ZBTB4: variants seen among roughly 807,000 people sequenced by gnomAD.
ZBTB4 encodes the protein zinc finger and BTB domain containing 4, also known as zinc finger and BTB domain-containing protein 4.
Under a neutral mutation model 59.8 loss-of-function variants are expected in ZBTB4, and 14 were observed. That is an observed-to-expected ratio of 0.23 (90% CI 0.15 to 0.37). The LOEUF (loss-of-function observed/expected upper bound fraction) is 0.37, where lower values mean the gene tolerates loss of function less well. Among genes scored for constraint, ZBTB4 ranks in the 10% least tolerant of loss-of-function variants. The pLI, the probability that ZBTB4 is intolerant of heterozygous loss-of-function variation, is 1.00. For synonymous variants in ZBTB4, 587 were observed against 575.2 expected (o/e 1.02, Z -0.29); for missense variants, 1,198 against 1,380.8 (o/e 0.87, Z 2.10).
upstream of ZBTB4, among the ~76,000 whole-genome samples, chr17:7,481,729 G>A (rs1273390803): frequency 6.6e-6 from 1 of 152,118 alleles, no homozygotes; most frequent in African/African-American, 2.4e-5. Context: ...AGCATCCTGG[G>A]TCCTTTTTCT....
intron 1 of ZBTB4, among the ~76,000 whole-genome samples, chr17:7,471,412 T>C (rs117584090): frequency 2.0e-5 from 3 of 152,300 alleles, no homozygotes; most frequent in East Asian, 3.9e-4. Flanking sequence ...GAAATACTTA[T>C]GATGTGCAAA....
rs2070029708 is a variant in ZBTB4, at chr17:7,462,133, A to G, written c.2849T>C (p.Met950Thr). ...NLAALPVALN[M>T]VLPDEKGAGA... ...CGCACCCTTCTCATCAGGTAGGACC[A>G]TGTTGAGAGCAACCGGGAGAGCGGC... The change falls in exon 4 of 4, where the codon ATG becomes ACG. Residue 950 changes from methionine (M) to threonine (T), a missense_variant. Met to Thr is a moderately conservative substitution (Grantham distance 81). Coordinates refer to ENST00000380599, the MANE Select transcript of ZBTB4 (RefSeq NM_001128833.2). This position sits in a 1 kb window ranked among gnomAD's most constrained non-coding sequence, Gnocchi z 7.5. 1 of 1,613,802 alleles carries G rather than the reference A, an allele frequency of 6.2e-7. No homozygotes were observed. The highest frequency in any genetic ancestry group is 8.5e-7 in the Non-Finnish European group (1 of 1,179,842).
Position 7,463,068 on chromosome 17 carries a change from C to G in ZBTB4, c.1914G>C (p.Glu638Asp). ...LSGEEMEESEEDEEEEDEEEE... is the reference protein window; with the variant it reads ...LSGEEMEESEDDEEEEDEEEE... ...CCTCTTCGTCCTCCTCCTCTTCGTC[C>G]TCCTCACTCTCCTCCATCTCCTCTC... Residue 638 changes from glutamate to aspartate, a missense_variant, in exon 4 of 4, where the codon GAG becomes GAC. Glu to Asp is a conservative substitution (Grantham distance 45). Transcript: ENST00000380599. 6.2e-7 allele frequency: 1 copy of G among 1,611,232 alleles called. No individual in the cohort carries two copies. Among genetic ancestry groups the G allele is most frequent in the Non-Finnish European group, 8.5e-7 (1 of 1,179,556 alleles).
chr17:7,466,915 T>C lies in ZBTB4; in HGVS notation c.-9-105A>G. ...GGATCAGGAGCTGCTGGTCAGAAAC[T>C]AGTGGAAGGCTGAATCACTTCTGGT... On this transcript the variant is annotated intron_variant, in intron 2 of 3. Transcript: ENST00000380599. The surrounding 1 kb of genome is among the most constrained non-coding windows in gnomAD (Gnocchi z 9.1). 7.0e-7 allele frequency: 1 copy of C among 1,429,372 alleles called. No individual in the cohort carries two copies. The highest frequency in any genetic ancestry group is 9.1e-7 in the Non-Finnish European group (1 of 1,093,584). The allele number at this position is 1,429,372 out of a possible 1,614,324, so 88.5% of individuals were successfully genotyped here. A position where few individuals can be genotyped will look rare whatever the true frequency, so the allele number is the denominator to read the frequency against.
intron 1 of ZBTB4, among the ~76,000 whole-genome samples, chr17:7,469,777 T>A (rs2070174727): frequency 2.1e-5 from 3 of 141,664 alleles, no homozygotes; most frequent in Non-Finnish European, 4.6e-5. Context: ...TCTCAAAAAA[T>A]AAAAATAAAA....
chr17:7,464,145 G>A (rs1240218186), intron 3 of ZBTB4, among the ~76,000 whole-genome samples: 1 of 152,194 alleles, frequency 6.6e-6, no homozygotes, highest in Non-Finnish European at 1.5e-5. Context: ...AAGCCCAAAT[G>A]GCAGAATGGG....
chr17:7,470,039 G>A (rs546330839), intron 1 of ZBTB4, among the ~76,000 whole-genome samples: 5 of 151,340 alleles, frequency 3.3e-5, no homozygotes, highest in Admixed American at 6.6e-5. Context: ...CCGAGATTGC[G>A]TCACTGCACT....
intron 1 of ZBTB4, among the ~76,000 whole-genome samples, chr17:7,469,540 A>G (rs2070170735): frequency 6.6e-6 from 1 of 150,458 alleles, no homozygotes. Context: ...AGGCGGGCGG[A>G]TCATCTGAGG....
chr17:7,479,248 G>T (rs938256243), intron 1 of ZBTB4, among the ~76,000 whole-genome samples: 80 of 152,228 alleles, frequency 5.3e-4, no homozygotes, highest in Admixed American at 1.1e-3. Flanking sequence ...GCCATACCAG[G>T]GCCCCCTTAG....
Position 7,465,708 on chromosome 17 carries a change from C to A in ZBTB4, c.1091+3G>T, listed in dbSNP as rs777368119. The A allele has an allele frequency of 6.3e-7, 1 of 1,591,222 alleles. No individual in the cohort carries two copies. Among genetic ancestry groups the A allele is most frequent in the Non-Finnish European group, 8.6e-7 (1 of 1,165,094 alleles). On this transcript the variant is annotated splice_donor_region_variant and intron_variant, in intron 3 of 3. Transcript: ENST00000380599. ...CGCTCCCCCGCCAGCCTGGATCACT[C>A]ACCTGCGCTCCCCCGTGTGCCACAC...
chr17:7,462,926 C>T lies in ZBTB4; in HGVS notation c.2056G>A (p.Gly686Ser), dbSNP rs1422923794. The T allele has an allele frequency of 6.2e-7, 1 of 1,609,254 alleles. No individual in the cohort carries two copies. Among genetic ancestry groups the T allele is most frequent in the African/African-American group, 1.3e-5 (1 of 74,886 alleles). The change falls in exon 4 of 4, where the codon GGC becomes AGC. Residue 686 changes from glycine (G) to serine (S), a missense_variant. Physicochemically the swap from Gly to Ser is moderately conservative, Grantham distance 56. This residue lies in a region of ZBTB4 where 550 missense variants were observed against 541.8 expected (regional missense o/e 1.02). Coordinates refer to ENST00000380599, the MANE Select transcript of ZBTB4 (RefSeq NM_001128833.2). This position sits in a 1 kb window ranked among gnomAD's most constrained non-coding sequence, Gnocchi z 7.5. ...AGAAGGASVG[G>S]SGLPRGRRPP... ...CGGCGGCCTCGGGGCAGCCCACTGCCCCCCACACTGGCACCTCCAGCAGCT... is the reference window on the plus strand; with the variant it reads ...CGGCGGCCTCGGGGCAGCCCACTGCTCCCCACACTGGCACCTCCAGCAGCT...
At position 7,466,948 on chromosome 17, in the gene ZBTB4, G is replaced by C; in HGVS notation, c.-9-138C>G. ...GGCTGAATCACTTCTGGTCACAGAA[G>C]TCAGGGGTTGGCCCTTAGCCACCCA... On this transcript the variant is annotated intron_variant, in intron 2 of 3. Transcript: ENST00000380599. This position sits in a 1 kb window ranked among gnomAD's most constrained non-coding sequence, Gnocchi z 9.1. The C allele has an allele frequency of 7.1e-7, 1 of 1,409,010 alleles. No individual in the cohort carries two copies. Among genetic ancestry groups the C allele is most frequent in the East Asian group, 2.5e-5 (1 of 39,760 alleles). 87.3% of individuals were successfully genotyped at this position (1,409,010 alleles called of 1,614,324 possible). A position where few individuals can be genotyped will look rare whatever the true frequency, so the allele number is the denominator to read the frequency against.
chr17:7,460,470 C>A lies in ZBTB4; in HGVS notation c.*1470G>T, dbSNP rs1376739993. 1 of 151,960 alleles carries A rather than the reference C, an allele frequency of 6.6e-6. No homozygotes were observed. The highest frequency in any genetic ancestry group is 1.5e-5 in the Non-Finnish European group (1 of 67,940). 9.4% of individuals were successfully genotyped at this position (151,960 alleles called of 1,614,324 possible). On this transcript the variant is annotated 3_prime_UTR_variant, in exon 4 of 4. Transcript: ENST00000380599. ...GAAAAGGCTGCCATTTTGATGACAG[C>A]AACTTTTCCTTTTAAAACTGCACTC...
At chr17:7,477,083 G>C (rs1206576754) in intron 1 of ZBTB4, among the ~76,000 whole-genome samples, 2 of 152,148 alleles carry the variant, frequency 1.3e-5, no homozygotes, top group African/African-American at 4.8e-5. Flanking sequence ...TGAGGACAGA[G>C]TGGCCACATA....
Position 7,462,495 on chromosome 17 carries a change from A to G in ZBTB4, c.2487T>C (p.Gly829=), listed in dbSNP as rs1214038680. ...CAGCAGTGCTCCCGCCACCTGCCTC[A>G]CCGCTGGATGAGGAGACTTGCATCT... ...PQEMQVSSSS[G]EAGGGSTAAE... The change falls in exon 4 of 4, where the codon GGT becomes GGC. Residue 829 remains glycine, a synonymous_variant. Transcript: ENST00000380599. The surrounding 1 kb of genome is among the most constrained non-coding windows in gnomAD (Gnocchi z 7.5). 5 of 1,613,718 alleles carry G rather than the reference A, an allele frequency of 3.1e-6. No homozygotes were observed. The highest frequency in any genetic ancestry group is 3.4e-6 in the Non-Finnish European group (4 of 1,179,924).
chr17:7,471,238 C>T (rs115465897), intron 1 of ZBTB4, among the ~76,000 whole-genome samples: 246 of 151,998 alleles, frequency 1.6e-3, no homozygotes, highest in African/African-American at 5.4e-3. Flanking sequence ...AGCTGGAGTG[C>T]AGTGGTGTGA....
chr17:7,461,837 G>T lies in ZBTB4; in HGVS notation c.*103C>A. On this transcript the variant is annotated 3_prime_UTR_variant, in exon 4 of 4. Coordinates refer to ENST00000380599, the MANE Select transcript of ZBTB4 (RefSeq NM_001128833.2). ...CAGGGGCCCCCAAGTCCCTGCACAA[G>T]AGTGTGAAGGGGCTCCCAAGGGGCA... The T allele has an allele frequency of 9.3e-7, 1 of 1,081,026 alleles. No individual in the cohort carries two copies. The highest frequency in any genetic ancestry group is 1.3e-6 in the Non-Finnish European group (1 of 752,040). The allele number at this position is 1,081,026 out of a possible 1,614,324, so 67.0% of individuals were successfully genotyped here. A position where few individuals can be genotyped will look rare whatever the true frequency, so the allele number is the denominator to read the frequency against.
At chr17:7,467,497 T>C (rs971883159) in intron 1 of ZBTB4, among the ~76,000 whole-genome samples, 170 bp from the exon 2 acceptor site, 1 of 152,176 alleles carries the variant, frequency 6.6e-6, no homozygotes, top group Non-Finnish European at 1.5e-5. Flanking sequence ...TCTGCCAGGT[T>C]ATTTGTTTAG....
chr17:7,472,972 G>C (rs1389361953), intron 1 of ZBTB4, among the ~76,000 whole-genome samples: 1 of 148,392 alleles, frequency 6.7e-6, no homozygotes, highest in Admixed American at 6.7e-5. Flanking sequence ...TTTTGCGGCG[G>C]GGGACAGAGT....
Sources: gnomAD v4.1 joint callset for allele counts (sites outside exome capture counted in the v4.1 genomes callset) on GRCh38, gnomAD v4.1.1 for gene constraint, gnomAD v4.1.1 regional missense constraint, Gnocchi (gnomAD v3.1) non-coding constraint, MANE v1.5 for transcripts, NCBI Gene and HGNC (gene_info 2026-07-23, HGNC 2026-07-21) for gene names.